The following NCOA4 variants were observed in gnomAD, a reference collection of about 807,000 sequenced individuals.
NCOA4 encodes the protein 70 kDa AR-activator.
Under a neutral mutation model 69.5 loss-of-function variants are expected in NCOA4, and 31 were observed. The ratio of observed to expected loss-of-function variants is 0.45; its 90% confidence interval spans 0.34 to 0.60. The LOEUF is 0.60. NCOA4 is among the 20% of genes least tolerant of loss of function. The pLI, the probability that NCOA4 is intolerant of heterozygous loss-of-function variation, is 0.02. For missense variants in NCOA4, 600 were observed against 719.2 expected, an observed-to-expected ratio of 0.83 and a Z score of 1.90; for synonymous variants, 228 against 252.4, an observed-to-expected ratio of 0.90 and a Z score of 0.92.
At chr10:46,014,308 C>T (rs1221894819) in intron 5 of NCOA4, 136 bp downstream of exon 5, 12 of 657,542 alleles carry the variant, frequency 1.8e-5, no homozygotes, top group African/African-American at 3.7e-5. Context: ...TGAGCCACCA[C>T]GCCCAGCTGA....
At chr10:46,014,590 A>G in intron 4 of NCOA4, 38 bp from the exon 5 acceptor site, 1 of 1,438,182 alleles carries the variant, frequency 7.0e-7, no homozygotes, top group Non-Finnish European at 9.7e-7. Flanking sequence ...TTTTTAAGGA[A>G]TATCTGTTTC....
intron 7 of NCOA4, 89 bp downstream of exon 7, chr10:46,012,794 A>T: frequency 7.5e-7 from 1 of 1,335,600 alleles, no homozygotes; most frequent in Non-Finnish European, 9.8e-7. Flanking sequence ...GCAACCAAAA[A>T]GTTAACAATG....
chr10:46,009,464 A>G lies in NCOA4; in HGVS notation c.1786T>C (p.Cys596Arg). Residue 596 changes from cysteine (C) to arginine (R), a missense_variant, in exon 9 of 10, where the codon TGT (cysteine) becomes CGT (arginine). Coordinates refer to ENST00000581486, the MANE Select transcript of NCOA4 (RefSeq NM_001145263.2). ...TCTTTATCAACTTTAAGCTGCATAC[A>G]GGCAAAGAGATCACAAACTGCAGGG... ...GLPAVCDLFA[C>R]MQLKVDKEKW... The G allele has an allele frequency of 6.2e-7, 1 of 1,612,876 alleles. No individual in the cohort carries two copies. The highest frequency in any genetic ancestry group is 8.5e-7 in the Non-Finnish European group (1 of 1,179,974).
intron 1 of NCOA4, among the ~76,000 whole-genome samples, chr10:46,020,584 A>G (rs555333082): frequency 6.6e-5 from 10 of 152,192 alleles, no homozygotes; most frequent in Non-Finnish European, 1.0e-4. Context: ...ATATGTGAGG[A>G]ATATAGACTC....
chr10:46,012,070 G>GAAATAAAAAAAAAA (rs1564921447), intron 7 of NCOA4, among the ~76,000 whole-genome samples: 1 of 44,524 alleles, frequency 2.2e-5, no homozygotes, highest in Non-Finnish European at 4.1e-5. Context: ...CAAAAAGAAA[G>GAAATAAAAAAAAAA]AAAAAAAAAA....
chr10:46,014,396 A>T, intron 5 of NCOA4, 48 bp downstream of exon 5: 1 of 1,323,814 alleles, frequency 7.6e-7, no homozygotes, highest in Non-Finnish European at 1.1e-6. Flanking sequence ...ACCAGCTGTG[A>T]GGCCACAGAT....
At chr10:46,012,763 TAATA>T in intron 7 of NCOA4, 116 bp downstream of exon 7, 1 of 943,632 alleles carries the variant, frequency 1.1e-6, no homozygotes, top group Non-Finnish European at 1.4e-6. Context: ...AAGAGACTAT[TAATA>T]AATATGTTTC....
chr10:46,012,717 A>C (rs1263857218), intron 7 of NCOA4, among the ~76,000 whole-genome samples, 166 bp downstream of exon 7: 1 of 152,030 alleles, frequency 6.6e-6, no homozygotes, highest in Non-Finnish European at 1.5e-5. Context: ...ATTTTCTATG[A>C]TAAAGAGTTC....
chr10:46,009,425 GA>G lies in NCOA4; in HGVS notation c.1824del (p.Arg609GlufsTer13). The G allele has an allele frequency of 6.2e-7, 1 of 1,612,346 alleles. No homozygotes were observed. The highest frequency in any genetic ancestry group is 1.1e-5 in the South Asian group (1 of 90,748). On this transcript the variant is annotated frameshift_variant, in exon 9 of 10. Coordinates refer to ENST00000581486, the MANE Select transcript of NCOA4 (RefSeq NM_001145263.2). LOFTEE classifies it high-confidence loss of function. ...QLKVDKEKWL[Y>X]RTPLQM is the part of the protein sequence containing the mutation. ...CATGTACCCACCTGTAGAGGAGTTC[GA>G]TATAACCACTTCTCTTTATCAACTT...
chr10:46,011,248 T>C (rs1476685514), intron 7 of NCOA4, 42 bp from the exon 8 acceptor site: 2 of 1,528,588 alleles, frequency 1.3e-6, no homozygotes, highest in Non-Finnish European at 1.8e-6. Context: ...AGAACAATTA[T>C]GACTGCTTTG....
intron 7 of NCOA4, among the ~76,000 whole-genome samples, chr10:46,012,082 A>AAAAAAAAAAAAAAAC: frequency 1.5e-5 from 2 of 136,048 alleles, no homozygotes; most frequent in Non-Finnish European, 3.0e-5. Context: ...AAAAAAAAAA[A>AAAAAAAAAAAAAAAC]AAAAAAAAAA....
rs1160228186 is a variant in NCOA4 at position 46,010,368 on chromosome 10, G to A, written c.1553C>T (p.Ala518Val). The change falls in exon 8 of 10, where the codon GCT (alanine) becomes GTT (valine). Residue 518 changes from alanine to valine, a missense_variant. Transcript: ENST00000581486. ...GGGGCTTTTAAACTTCTGTTTGCCA[G>A]CTCTGTCTTCAGTACCAGGCACTTC... The part of the protein sequence containing the change: ...PKEVPGTEDR[A>V]GKQKFKSPMN... The A allele has an allele frequency of 2.5e-6, 4 of 1,614,004 alleles. No individual in the cohort carries two copies. Among genetic ancestry groups the A allele is most frequent in the Non-Finnish European group, 3.4e-6 (4 of 1,180,044 alleles).
In NCOA4 at chr10:46,030,618, C is replaced by G. The variant is rs1840414141; in HGVS notation, c.-107G>C. On this transcript the variant is annotated 5_prime_UTR_variant, in exon 1 of 10. Coordinates refer to ENST00000581486, the MANE Select transcript of NCOA4 (RefSeq NM_001145263.2). ...ACCTACGGCCCAAAGGCAGAGTTCTCGCGACAACACAATCTTCCTCCCACA... is the reference window on the plus strand; with the variant it reads ...ACCTACGGCCCAAAGGCAGAGTTCTGGCGACAACACAATCTTCCTCCCACA... The G allele has an allele frequency of 6.6e-6, 1 of 152,262 alleles. No individual in the cohort carries two copies. Among genetic ancestry groups the G allele is most frequent in the Admixed American group, 6.5e-5 (1 of 15,284 alleles). 9.4% of individuals were successfully genotyped at this position (152,262 alleles called of 1,614,324 possible). A position where few individuals can be genotyped will look rare whatever the true frequency, so the allele number is the denominator to read the frequency against.
Position 46,007,088 on chromosome 10 carries a change from C to A in NCOA4, c.1840-491G>T, listed in dbSNP as rs782563640. Reference sequence around the variant, plus strand: ...TTTTGTTGTTTTTCAGCTTCTCATTCTCTGGCTGAAAAGTTCTTGAAAAAA... The same window carrying A: ...TTTTGTTGTTTTTCAGCTTCTCATTATCTGGCTGAAAAGTTCTTGAAAAAA... On this transcript the variant is annotated intron_variant, in intron 9 of 9. Transcript: ENST00000581486. Among the ~76,000 whole-genome samples, 54 of 152,152 alleles carry A rather than the reference C, an allele frequency of 3.5e-4. 1 individual carries two copies. Among genetic ancestry groups the A allele is most frequent in the Non-Finnish European group, 2.1e-4 (14 of 68,024 alleles).
chr10:46,022,697 C>G (rs1554924731), intron 1 of NCOA4, among the ~76,000 whole-genome samples: 1 of 152,082 alleles, frequency 6.6e-6, no homozygotes, highest in Non-Finnish European at 1.5e-5. Flanking sequence ...GATCTCCTGA[C>G]CTCGTGATCC....
In NCOA4 at chr10:46,006,027, TTAA is replaced by T; in HGVS notation, c.*562_*564del. 1 of 205,524 alleles carries T rather than the reference TTAA, an allele frequency of 4.9e-6. No individual in the cohort carries two copies. The highest frequency in any genetic ancestry group is 9.9e-6 in the Non-Finnish European group (1 of 100,564). The allele number at this position is 205,524 out of a possible 1,614,324, so 12.7% of individuals were successfully genotyped here. On this transcript the variant is annotated 3_prime_UTR_variant, in exon 10 of 10. Transcript: ENST00000581486. ...TAACGTGGGCTAAAATGTTTCATAA[TTAA>T]TGTCAAAAATTGCCAAGATTATTAA...
At chr10:46,007,579 CTCT>C (rs1838912526) in intron 9 of NCOA4, among the ~76,000 whole-genome samples, 1 of 125,674 alleles carries the variant, frequency 8.0e-6, no homozygotes, top group African/African-American at 3.0e-5. Context: ...CAGCCAGTGA[CTCT>C]TTTTTTTTTT....
Position 46,015,122 on chromosome 10 carries a change from T to C in NCOA4, c.282+4A>G. The C allele has an allele frequency of 6.2e-7, 1 of 1,614,220 alleles. No individual in the cohort carries two copies. The highest frequency in any genetic ancestry group is 8.5e-7 in the Non-Finnish European group (1 of 1,180,020). On this transcript the variant is annotated splice_donor_region_variant and intron_variant, in intron 3 of 9. Transcript: ENST00000581486. ...AACCAATTCTAGCCATGCAGTCACC[T>C]TACCGAGTAGAGCTGCTGAGCCTGC...
At chr10:46,016,723 G>A (rs1180149832) in intron 1 of NCOA4, 29 bp from the exon 2 acceptor site, 19 of 1,356,440 alleles carry the variant, frequency 1.4e-5, no homozygotes, top group Non-Finnish European at 1.7e-5. Flanking sequence ...TATATAAATA[G>A]CACCATAATT....
Sources: gnomAD v4.1 joint callset for allele counts (sites outside exome capture counted in the v4.1 genomes callset) on GRCh38, gnomAD v4.1.1 for gene constraint, MANE v1.5 for transcripts, NCBI Gene and HGNC (gene_info 2026-07-23, HGNC 2026-07-21) for gene names.